FGD5: variants seen among roughly 807,000 people sequenced by gnomAD.
FGD5 encodes the protein FYVE, RhoGEF and PH domain-containing protein 5.
In FGD5, 28 loss-of-function variants were observed where a neutral mutation model predicts 133.4. The observed-to-expected ratio is 0.21, with a 90% CI of 0.16 to 0.29. The LOEUF is 0.29. FGD5 is among the 10% of genes least tolerant of loss of function. The pLI, the probability that FGD5 is intolerant of heterozygous loss-of-function variation, is 1.00. For synonymous variants in FGD5, 810 were observed against 776.5 expected (o/e 1.04, Z -0.72); for missense variants, 1,858 against 1,895.2 (o/e 0.98, Z 0.36).
intron 1 of FGD5, among the ~76,000 whole-genome samples, chr3:14,860,007 C>T (rs947251114): frequency 1.3e-5 from 2 of 152,150 alleles, no homozygotes; most frequent in African/African-American, 2.4e-5. Flanking sequence ...CCAAACAATA[C>T]ATCATGGTCA....
chr3:14,917,210 T>TGGGGCCAGGGTCCTCTCATA lies in FGD5; in HGVS notation c.3406-35_3406-16dup, dbSNP rs753637196. On this transcript the variant is annotated intron_variant, in intron 11 of 19. Coordinates refer to ENST00000285046, the MANE Select transcript of FGD5 (RefSeq NM_152536.4). The surrounding 1 kb of genome is among the most constrained non-coding windows in gnomAD (Gnocchi z 4.1). ...AGGACAGAAGCCTGGCGCAGCCTTCTGGGGCCAGGGTCCTCTCATAGGGTT... is the reference window on the plus strand; with the variant it reads ...AGGACAGAAGCCTGGCGCAGCCTTCTGGGGCCAGGGTCCTCTCATAGGGGCCAGGGTCCTCTCATAGGGTT... The TGGGGCCAGGGTCCTCTCATA allele has an allele frequency of 5.0e-6, 8 of 1,584,678 alleles. No homozygotes were observed.
intron 1 of FGD5, among the ~76,000 whole-genome samples, chr3:14,848,316 A>G (rs1414968223): frequency 6.6e-6 from 1 of 152,126 alleles, no homozygotes; most frequent in Non-Finnish European, 1.5e-5. Flanking sequence ...CCTGAACCCC[A>G]GGACAGCTGA....
At chr3:14,847,943 G>A (rs1174873648) in intron 1 of FGD5, among the ~76,000 whole-genome samples, 1 of 152,186 alleles carries the variant, frequency 6.6e-6, no homozygotes, top group African/African-American at 2.4e-5. Context: ...CCAGCTCTAG[G>A]AAAGGGTAGC....
At chr3:14,830,177 C>T (rs1381093174) in intron 1 of FGD5, among the ~76,000 whole-genome samples, 1 of 152,168 alleles carries the variant, frequency 6.6e-6, no homozygotes, top group Non-Finnish European at 1.5e-5. Context: ...TCATGCAGAG[C>T]TTTCATTAAG....
intron 1 of FGD5, chr3:14,810,972 C>A: frequency 1.1e-6 from 1 of 912,874 alleles, no homozygotes; most frequent in Non-Finnish European, 1.3e-6. Flanking sequence ...GCCCGAAATC[C>A]TCCGACCTTC....
intron 1 of FGD5, among the ~76,000 whole-genome samples, chr3:14,836,079 G>T (rs761928632): frequency 6.6e-6 from 1 of 152,168 alleles, no homozygotes. Flanking sequence ...GTAGAACCCA[G>T]GGGCATCTGC....
chr3:14,870,968 A>G (rs1486569963), intron 2 of FGD5, among the ~76,000 whole-genome samples: 2 of 152,202 alleles, frequency 1.3e-5, no homozygotes, highest in Admixed American at 1.3e-4. Flanking sequence ...CTTCGACCAG[A>G]CATCATGCAA....
intron 9 of FGD5, among the ~76,000 whole-genome samples, chr3:14,902,084 C>T (rs1024494048): frequency 1.4e-4 from 21 of 152,050 alleles, no homozygotes; most frequent in African/African-American, 4.8e-4. Flanking sequence ...GAGTTCAAGA[C>T]CAGCCTGGCC....
In FGD5 at chr3:14,898,001, C is replaced by T. The variant is rs1234902487; in HGVS notation, c.2972C>T (p.Ala991Val). The change falls in exon 6 of 20, where the codon GCC (alanine) becomes GTC (valine). Residue 991 changes from alanine to valine, a missense_variant. By Grantham distance (64) the Ala-to-Val change is moderately conservative. Coordinates refer to ENST00000285046, the MANE Select transcript of FGD5 (RefSeq NM_152536.4). ...CGGGAGCAGGGGTTTGATCACCACG[C>T]CACTCACATCCTGCAGTTCGACAGG... ...LAREQGFDHH[A>V]THILQFDRYL... 6.2e-7 allele frequency: 1 copy of T among 1,613,968 alleles called. No homozygotes were observed.
chr3:14,913,445 A>G (rs1318748965), intron 11 of FGD5, among the ~76,000 whole-genome samples: 2 of 152,168 alleles, frequency 1.3e-5, no homozygotes, highest in African/African-American at 4.8e-5. Context: ...AAGGGAGGCC[A>G]TACCGGATGG....
intron 9 of FGD5, among the ~76,000 whole-genome samples, chr3:14,906,545 G>A (rs140713892): frequency 7.2e-4 from 110 of 152,338 alleles, no homozygotes; most frequent in African/African-American, 2.1e-3. Flanking sequence ...GGCTTTGCAT[G>A]TGGCCCCACC....
At chr3:14,811,972 T>C (rs2036300322) in intron 1 of FGD5, among the ~76,000 whole-genome samples, 1 of 151,984 alleles carries the variant, frequency 6.6e-6, no homozygotes, top group Admixed American at 6.5e-5. Flanking sequence ...GAAGCCACCA[T>C]TTTGGCTGTC....
intron 3 of FGD5, 45 bp from the exon 4 acceptor site, chr3:14,880,697 A>C (rs767373745): frequency 8.1e-6 from 13 of 1,613,754 alleles, no homozygotes; most frequent in Admixed American, 1.7e-5. Flanking sequence ...CTGGGCTTAC[A>C]CAGGATGGGG....
rs1417294418 is a variant in FGD5 at position 14,917,229 on chromosome 3, T to A, written c.3406-20T>A. 6.2e-7 allele frequency: 1 copy of A among 1,609,788 alleles called. No individual in the cohort carries two copies. The highest frequency in any genetic ancestry group is 2.2e-5 in the East Asian group (1 of 44,770). On this transcript the variant is annotated intron_variant, in intron 11 of 19. Transcript: ENST00000285046. This position sits in a 1 kb window ranked among gnomAD's most constrained non-coding sequence, Gnocchi z 4.1. ...GCCTTCTGGGGCCAGGGTCCTCTCA[T>A]AGGGTTTCCCTCTCTCCAGATGAAC...
chr3:14,921,999 A>G lies in FGD5; in HGVS notation c.3651A>G (p.Ala1217=). ...PEDYKAQALA[A]FHHSVEIRER... is the part of the protein sequence containing the mutation. Reference sequence around the variant, plus strand: ...ACTACAAGGCCCAGGCGCTGGCTGCATTCCACCATAGCGTGGAGGTGAGTG... The same window carrying G: ...ACTACAAGGCCCAGGCGCTGGCTGCGTTCCACCATAGCGTGGAGGTGAGTG... Residue 1217 remains alanine (A), a synonymous_variant, in exon 14 of 20, where the codon GCA becomes GCG. Coordinates refer to ENST00000285046, the MANE Select transcript of FGD5 (RefSeq NM_152536.4). 6.4e-7 allele frequency: 1 copy of G among 1,562,470 alleles called. No individual in the cohort carries two copies. Among genetic ancestry groups the G allele is most frequent in the Non-Finnish European group, 8.7e-7 (1 of 1,153,316 alleles).
Position 14,925,479 on chromosome 3 carries a change from T to C in FGD5, c.4069-591T>C, listed in dbSNP as rs374232820. On this transcript the variant is annotated intron_variant, in intron 17 of 19. Coordinates refer to ENST00000285046, the MANE Select transcript of FGD5 (RefSeq NM_152536.4). ...GAAGAAGTCAGCAAATTGCTCATCATTAACCACCTAGTAATTGGTAGAGCC... is the reference window on the plus strand; with the variant it reads ...GAAGAAGTCAGCAAATTGCTCATCACTAACCACCTAGTAATTGGTAGAGCC... Among the ~76,000 whole-genome samples, 21 of 152,340 alleles carry C rather than the reference T, an allele frequency of 1.4e-4. 2 individuals are homozygous for C. In the South Asian group the frequency reaches 2.1e-3, roughly 15 times the overall value.
At chr3:14,905,543 TG>T (rs1309628322) in intron 9 of FGD5, among the ~76,000 whole-genome samples, 1 of 152,258 alleles carries the variant, frequency 6.6e-6, no homozygotes, top group East Asian at 1.9e-4. Flanking sequence ...TTTCCTCAGC[TG>T]TGTTCCGTTT....
chr3:14,865,795 T>A (rs2037482883), intron 2 of FGD5, among the ~76,000 whole-genome samples: 1 of 152,206 alleles, frequency 6.6e-6, no homozygotes, highest in African/African-American at 2.4e-5. Context: ...TGGCTCCAAG[T>A]CCAGTGTTGC....
At chr3:14,885,081 G>T (rs1214553084) in intron 4 of FGD5, among the ~76,000 whole-genome samples, 1 of 151,366 alleles carries the variant, frequency 6.6e-6, no homozygotes. Context: ...GTCCACTAGA[G>T]GCAAGGTGAC....
Sources: allele counts gnomAD v4.1 joint callset (sites outside exome capture counted in the v4.1 genomes callset), GRCh38; gene constraint gnomAD v4.1.1; non-coding constraint Gnocchi (gnomAD v3.1); transcripts MANE v1.5; gene names NCBI Gene and HGNC (gene_info 2026-07-23, HGNC 2026-07-21).